Variants in SMYD3 observed in about 807,000 individuals in gnomAD.
SMYD3 encodes histone-lysine N-methyltransferase SMYD3.
In SMYD3, 36 loss-of-function variants were observed where a neutral mutation model predicts 57.7. The ratio of observed to expected loss-of-function variants is 0.62; its 90% CI spans 0.48 to 0.82. SMYD3 has a LOEUF of 0.82. SMYD3 is among the 40% of genes least tolerant of loss of function. SMYD3 has a pLI of 0.00. For synonymous variants in SMYD3, 211 were observed against 195.0 expected (o/e 1.08, Z -0.68); for missense variants, 515 against 538.8 (o/e 0.96, Z 0.44).
intron 5 of SMYD3, among the ~76,000 whole-genome samples, chr1:246,190,739 A>T (rs1445111314): frequency 6.6e-6 from 1 of 152,066 alleles, no homozygotes; most frequent in Non-Finnish European, 1.5e-5. Context: ...CCAACACTAT[A>T]CTAAATAATA....
At chr1:246,316,855 G>A (rs924068840) in intron 5 of SMYD3, among the ~76,000 whole-genome samples, 4 of 150,952 alleles carry the variant, frequency 2.6e-5, no homozygotes, top group African/African-American at 2.4e-5. Context: ...TTAGCTGGGC[G>A]TGGTGGTGTG....
intron 1 of SMYD3, among the ~76,000 whole-genome samples, chr1:246,470,298 C>G (rs565577427): frequency 2.6e-5 from 4 of 151,808 alleles, no homozygotes; most frequent in Admixed American, 2.0e-4. Flanking sequence ...TCGAGACTAG[C>G]CTGGTCATCA....
intron 5 of SMYD3, among the ~76,000 whole-genome samples, chr1:246,194,526 G>C (rs551045868): frequency 1.5e-4 from 23 of 152,082 alleles, no homozygotes; most frequent in African/African-American, 5.6e-4. Flanking sequence ...TTAGGCCTCC[G>C]AAAGTGCTGG....
At chr1:246,308,303 AATTT>A (rs2065020545) in intron 5 of SMYD3, among the ~76,000 whole-genome samples, 1 of 152,144 alleles carries the variant, frequency 6.6e-6, no homozygotes, top group African/African-American at 2.4e-5. Context: ...GTTGAACTGA[AATTT>A]ATTAAACTGG....
At chr1:246,462,098 G>GT (rs2067806406) in intron 1 of SMYD3, among the ~76,000 whole-genome samples, 4 of 152,206 alleles carry the variant, frequency 2.6e-5, no homozygotes, top group Admixed American at 2.6e-4. Flanking sequence ...CCAGGTGAAG[G>GT]TTTGGTTTCT....
intron 10 of SMYD3, among the ~76,000 whole-genome samples, chr1:245,849,771 T>A (rs894765338): frequency 6.6e-6 from 1 of 152,074 alleles, no homozygotes; most frequent in African/African-American, 2.4e-5. Context: ...TCTCACCTCA[T>A]CCTCCCTGGT....
chr1:246,436,032 G>A (rs2067367288), intron 1 of SMYD3, among the ~76,000 whole-genome samples: 1 of 152,058 alleles, frequency 6.6e-6, no homozygotes, highest in Non-Finnish European at 1.5e-5. Context: ...TGAAAACATG[G>A]GTTGGAAATA....
chr1:246,450,006 G>A (rs2067607869), intron 1 of SMYD3, among the ~76,000 whole-genome samples: 1 of 152,144 alleles, frequency 6.6e-6, no homozygotes, highest in South Asian at 2.1e-4. Flanking sequence ...CTCATCAACA[G>A]GCCGGGCATG....
intron 5 of SMYD3, among the ~76,000 whole-genome samples, chr1:246,083,102 G>A (rs2787956): frequency 0.29 from 44,205 of 150,432 alleles, 8,787 homozygotes; most frequent in African/African-American, 0.55. Flanking sequence ...CCCGACACCC[G>A]TAAAGGGTCT....
chr1:246,436,124 G>A (rs977596988), intron 1 of SMYD3, among the ~76,000 whole-genome samples: 14 of 150,784 alleles, frequency 9.3e-5, no homozygotes, highest in Non-Finnish European at 2.1e-4. Flanking sequence ...TCACCCACTT[G>A]AGAGAGAAAA....
rs560870176 is a variant in SMYD3, at chr1:246,329,555, T to A, written c.394+925A>T. ...ATGGGGTTGTTTGTTTTTTTCTTGT[T>A]AATTTGTTTGAGTTCATTGTAGATT... On this transcript the variant is annotated intron_variant, in intron 4 of 11. Coordinates refer to ENST00000490107, the MANE Select transcript of SMYD3 (RefSeq NM_001167740.2). Among the ~76,000 whole-genome samples, 111 of 152,190 alleles carry A rather than the reference T, an allele frequency of 7.3e-4. 2 individuals carry two copies. In the South Asian group the frequency reaches 0.019, roughly 27 times the overall value.
intron 5 of SMYD3, among the ~76,000 whole-genome samples, chr1:246,234,204 C>T (rs1436902440): frequency 1.3e-5 from 2 of 149,090 alleles, no homozygotes; most frequent in South Asian, 2.2e-4. Context: ...ATATACCACA[C>T]AGAGGAGAAG....
At chr1:245,822,519 C>T (rs951818848) in intron 10 of SMYD3, among the ~76,000 whole-genome samples, 11 of 148,804 alleles carry the variant, frequency 7.4e-5, no homozygotes, top group Non-Finnish European at 1.5e-4. Context: ...GCACAATGTG[C>T]ACATGTACCC....
At chr1:246,204,543 G>C (rs1214774108) in intron 5 of SMYD3, among the ~76,000 whole-genome samples, 1 of 142,926 alleles carries the variant, frequency 7.0e-6, no homozygotes. Context: ...ATAAATCAAA[G>C]AATCTTACCT....
At chr1:246,140,924 C>T (rs754255806) in intron 5 of SMYD3, among the ~76,000 whole-genome samples, 11 of 152,190 alleles carry the variant, frequency 7.2e-5, no homozygotes, top group African/African-American at 9.7e-5. Flanking sequence ...ATGCACATCA[C>T]GGTCACTGGC....
At chr1:245,956,503 C>T (rs1572786292) in intron 5 of SMYD3, among the ~76,000 whole-genome samples, 1 of 152,290 alleles carries the variant, frequency 6.6e-6, no homozygotes, top group South Asian at 2.1e-4. Context: ...GCGAGGCAGG[C>T]AGAGCATTAT....
At chr1:246,079,187 T>A (rs933503378) in intron 5 of SMYD3, among the ~76,000 whole-genome samples, 1 of 152,178 alleles carries the variant, frequency 6.6e-6, no homozygotes, top group African/African-American at 2.4e-5. Flanking sequence ...CAGAGCAGAT[T>A]CACATCATAT....
chr1:245,820,696 G>T (rs1297594368), intron 10 of SMYD3, among the ~76,000 whole-genome samples: 1 of 152,068 alleles, frequency 6.6e-6, no homozygotes, highest in African/African-American at 2.4e-5. Flanking sequence ...CTTCAGCAAA[G>T]TCTCAGGGTA....
chr1:245,925,205 T>G (rs1469349554), intron 7 of SMYD3, among the ~76,000 whole-genome samples: 1 of 152,154 alleles, frequency 6.6e-6, no homozygotes, highest in East Asian at 1.9e-4. Flanking sequence ...AATTTTAACT[T>G]TCAAAAAATT....
Sources: allele counts gnomAD v4.1 joint callset (sites outside exome capture counted in the v4.1 genomes callset), GRCh38; gene constraint gnomAD v4.1.1; transcripts MANE v1.5; gene names NCBI Gene and HGNC (gene_info 2026-07-23, HGNC 2026-07-21).